PIKFYVE: variants seen among roughly 807,000 people sequenced by gnomAD.
PIKFYVE encodes the protein 1-phosphatidylinositol 3-phosphate 5-kinase.
Under a neutral mutation model 257.9 loss-of-function variants are expected in PIKFYVE, and 122 were observed. The ratio of observed to expected loss-of-function variants is 0.47; its 90% CI spans 0.41 to 0.55. The LOEUF is 0.55. Among genes scored for constraint, PIKFYVE ranks in the 20% least tolerant of loss-of-function variants. The pLI is 0.00. For missense variants in PIKFYVE, 2,160 were observed against 2,536.6 expected (o/e 0.85, Z 3.19); for synonymous variants, 892 against 868.9 (o/e 1.03, Z -0.47).
intron 35 of PIKFYVE, among the ~76,000 whole-genome samples, chr2:208,349,104 A>G (rs1182911108): frequency 6.6e-6 from 1 of 152,174 alleles, no homozygotes; most frequent in Non-Finnish European, 1.5e-5. Flanking sequence ...TATAGGTTGC[A>G]GTGAGCCGAG....
intron 14 of PIKFYVE, 125 bp downstream of exon 14, chr2:208,314,548 A>G: frequency 9.0e-7 from 1 of 1,112,652 alleles, no homozygotes; most frequent in East Asian, 2.7e-5. Flanking sequence ...GTAAAAAAAT[A>G]CTAAGGTTAC....
chr2:208,319,769 GC>G (rs1396268398), intron 16 of PIKFYVE, among the ~76,000 whole-genome samples: 1 of 152,068 alleles, frequency 6.6e-6, no homozygotes, highest in Non-Finnish European at 1.5e-5. Context: ...ATTTCAGCTT[GC>G]CACCTTAATG....
At chr2:208,300,836 G>A in intron 8 of PIKFYVE, 101 bp from the exon 9 acceptor site, 4 of 1,446,578 alleles carry the variant, frequency 2.8e-6, no homozygotes, top group South Asian at 1.2e-5. Flanking sequence ...AGAAATCCAA[G>A]TTAGGTTTCC....
At position 208,316,762 on chromosome 2, in the gene PIKFYVE, G is replaced by A. The variant is rs1404079591; in HGVS notation, c.2008-1105G>A. 5.9e-5 allele frequency among the ~76,000 whole-genome samples: 9 copies of A among 152,268 alleles called. 1 individual carries two copies. Among genetic ancestry groups the A allele is most frequent in the South Asian group, 4.2e-4 (2 of 4,818 alleles). ...ACAAGGCTACAGTAACCAAAACAGC[G>A]TGGTACTGGTACCAAAATAGAGATA... On this transcript the variant is annotated intron_variant, in intron 15 of 41. Coordinates refer to ENST00000264380, the MANE Select transcript of PIKFYVE (RefSeq NM_015040.4).
chr2:208,336,459 T>A (rs1050363976), intron 27 of PIKFYVE, among the ~76,000 whole-genome samples: 1 of 152,192 alleles, frequency 6.6e-6, no homozygotes. Flanking sequence ...ACAATGTTGT[T>A]CAGATGTGTG....
intron 13 of PIKFYVE, among the ~76,000 whole-genome samples, chr2:208,313,495 TTC>T (rs1695146478): frequency 6.6e-6 from 1 of 152,204 alleles, no homozygotes; most frequent in South Asian, 2.1e-4. Flanking sequence ...TGAGCTGAGC[TTC>T]TTTCTTGAAA....
chr2:208,267,277 G>A (rs1051715284), intron 1 of PIKFYVE, among the ~76,000 whole-genome samples: 1 of 152,026 alleles, frequency 6.6e-6, no homozygotes, highest in East Asian at 1.9e-4. Context: ...CACTCTGTCA[G>A]TTTTCTTACA....
At chr2:208,338,938 T>G (rs916695801) in intron 29 of PIKFYVE, among the ~76,000 whole-genome samples, 3 of 152,182 alleles carry the variant, frequency 2.0e-5, no homozygotes, top group Non-Finnish European at 2.9e-5. Context: ...TAAGATGTCT[T>G]TCACAGTATT....
At position 208,355,653 on chromosome 2, in the gene PIKFYVE, T is replaced by A. The variant is rs1384824261; in HGVS notation, c.*348T>A. On this transcript the variant is annotated 3_prime_UTR_variant, in exon 42 of 42. Transcript: ENST00000264380. Reference sequence around the variant, plus strand: ...GTTTTAAGAAGAAAACAGTGTCTCATAAATTGACTATCCTGGCATCACATT... The same window carrying A: ...GTTTTAAGAAGAAAACAGTGTCTCAAAAATTGACTATCCTGGCATCACATT... 4.9e-6 allele frequency: 1 copy of A among 205,218 alleles called. No individual in the cohort carries two copies. The highest frequency in any genetic ancestry group is 2.3e-5 in the African/African-American group (1 of 42,768). 12.7% of individuals were successfully genotyped at this position (205,218 alleles called of 1,614,324 possible).
At chr2:208,309,463 G>A (rs1041018985) in intron 12 of PIKFYVE, among the ~76,000 whole-genome samples, 1 of 152,140 alleles carries the variant, frequency 6.6e-6, no homozygotes, top group African/African-American at 2.4e-5. Context: ...GGCAATAATA[G>A]ATTTCATTAG....
chr2:208,325,672 A>G lies in PIKFYVE; in HGVS notation c.2861A>G (p.Lys954Arg). 1 of 1,614,154 alleles carries G rather than the reference A, an allele frequency of 6.2e-7. No individual in the cohort carries two copies. The highest frequency in any genetic ancestry group is 8.5e-7 in the Non-Finnish European group (1 of 1,180,038). ...CTTCCGCAGGCTGTTGCCTCTGTGA[A>G]GCATCAAGAACATAGCACAACAGCT... ...KNLPQAVASV[K>R]HQEHSTTACP... The change falls in exon 20 of 42, where the codon AAG becomes AGG. Residue 954 changes from lysine to arginine, a missense_variant. Physicochemically the swap from Lys to Arg is conservative, Grantham distance 26 (BLOSUM62 2). Around this residue, in one of 12 missense-constraint regions of PIKFYVE, gnomAD observed 522 missense variants for 514.6 expected, o/e 1.01. Coordinates refer to ENST00000264380, the MANE Select transcript of PIKFYVE (RefSeq NM_015040.4).
At chr2:208,299,043 T>C (rs1693349378) in intron 8 of PIKFYVE, among the ~76,000 whole-genome samples, 1 of 152,022 alleles carries the variant, frequency 6.6e-6, no homozygotes, top group South Asian at 2.1e-4. Flanking sequence ...TTTCGCCCTG[T>C]TGGCTAGGCT....
intron 1 of PIKFYVE, among the ~76,000 whole-genome samples, chr2:208,269,019 C>T (rs1689062392): frequency 6.6e-6 from 1 of 151,898 alleles, no homozygotes. Context: ...TCTGTGTGAC[C>T]CCCAAGAAAG....
chr2:208,308,313 A>G (rs1694574259), intron 12 of PIKFYVE, among the ~76,000 whole-genome samples: 1 of 151,488 alleles, frequency 6.6e-6, no homozygotes, highest in Non-Finnish European at 1.5e-5. Context: ...AGGTGGGAGG[A>G]TTGCTTGAGC....
Position 208,340,900 on chromosome 2 carries a change from G to A in PIKFYVE, c.4931+769G>A, listed in dbSNP as rs185123216. Among the ~76,000 whole-genome samples the A allele has an allele frequency of 6.6e-5, 10 of 152,176 alleles. 3 individuals carry two copies. Among genetic ancestry groups the A allele is most frequent in the African/African-American group, 2.4e-4 (10 of 41,524 alleles). ...GTTACATGACAGTAAAATATAAAAG[G>A]TCCCTTTTTTCTCTACTTTAGACCT... On this transcript the variant is annotated intron_variant, in intron 31 of 41. Coordinates refer to ENST00000264380, the MANE Select transcript of PIKFYVE (RefSeq NM_015040.4).
At chr2:208,282,864 A>C (rs1209320031) in intron 5 of PIKFYVE, among the ~76,000 whole-genome samples, 1 of 152,154 alleles carries the variant, frequency 6.6e-6, no homozygotes, top group East Asian at 1.9e-4. Flanking sequence ...GGACGAAACT[A>C]TTCCACCTTA....
At chr2:208,302,031 A>T (rs1017088482) in intron 9 of PIKFYVE, among the ~76,000 whole-genome samples, 1 of 152,190 alleles carries the variant, frequency 6.6e-6, no homozygotes, top group Non-Finnish European at 1.5e-5. Flanking sequence ...GGACTGCCTT[A>T]CCAGTAGTTT....
chr2:208,353,787 T>C, intron 39 of PIKFYVE, 111 bp from the exon 40 acceptor site: 1 of 1,235,384 alleles, frequency 8.1e-7, no homozygotes, highest in Admixed American at 1.9e-5. Flanking sequence ...CTTTGGAGTG[T>C]GTGTAATGGT....
At chr2:208,317,081 T>A (rs2125486495) in intron 15 of PIKFYVE, among the ~76,000 whole-genome samples, 1 of 148,118 alleles carries the variant, frequency 6.8e-6, no homozygotes, top group African/African-American at 2.5e-5. Flanking sequence ...GGGCAAGGAC[T>A]TCATGTCTAA....
Sources: gnomAD v4.1 joint callset for allele counts (sites outside exome capture counted in the v4.1 genomes callset) on GRCh38, gnomAD v4.1.1 for gene constraint, gnomAD v4.1.1 regional missense constraint, MANE v1.5 for transcripts, NCBI Gene and HGNC (gene_info 2026-07-23, HGNC 2026-07-21) for gene names.